DYNC2H1: variants seen among roughly 807,000 people sequenced by gnomAD.
DYNC2H1 encodes cytoplasmic dynein 2 heavy chain 1.
In DYNC2H1, 410 loss-of-function variants were observed where a neutral mutation model predicts 570.0. That is an observed-to-expected ratio of 0.72 (90% CI 0.66 to 0.78). DYNC2H1 has a LOEUF of 0.78. Ranked by LOEUF, DYNC2H1 falls within the 30% of genes least tolerant of loss-of-function variation. The probability of loss-of-function intolerance (pLI) is 0.00; values close to 1 mark genes in which losing one functional copy is unlikely to be tolerated. For missense variants in DYNC2H1, 4,865 were observed against 5,046.4 expected, an observed-to-expected ratio of 0.96 and a Z score of 1.09; for synonymous variants, 1,688 against 1,677.6, an observed-to-expected ratio of 1.01 and a Z score of -0.15.
At chr11:103,361,681 G>A (rs1041302684) in intron 83 of DYNC2H1, among the ~76,000 whole-genome samples, 9 of 152,130 alleles carry the variant, frequency 5.9e-5, no homozygotes, top group African/African-American at 1.2e-4. Flanking sequence ...CTTACATTAC[G>A]GTGGCAGAGC....
At chr11:103,285,668 G>A (rs1327820910) in intron 73 of DYNC2H1, among the ~76,000 whole-genome samples, 1 of 151,770 alleles carries the variant, frequency 6.6e-6, no homozygotes, top group Admixed American at 6.6e-5. Context: ...CAGGTGATCT[G>A]CCCGCCTCAG....
intron 87 of DYNC2H1, among the ~76,000 whole-genome samples, chr11:103,459,325 AAAAAAAAAG>A (rs1199617617): frequency 8.7e-5 from 13 of 149,292 alleles, no homozygotes; most frequent in African/African-American, 2.0e-4. Context: ...AAAAAAAAAA[AAAAAAAAAG>A]GAAATTCCAT....
chr11:103,130,673 TG>T (rs1262188850), intron 13 of DYNC2H1, among the ~76,000 whole-genome samples: 1 of 152,186 alleles, frequency 6.6e-6, no homozygotes, highest in Non-Finnish European at 1.5e-5. Context: ...GTTTTGGAAA[TG>T]GAATCACCCT....
intron 21 of DYNC2H1, 83 bp from the exon 22 acceptor site, chr11:103,153,220 A>G: frequency 8.0e-7 from 1 of 1,244,742 alleles, no homozygotes; most frequent in Non-Finnish European, 1.1e-6. Context: ...TCACTTTTAA[A>G]TAGAAAATAT....
At position 103,209,619 on chromosome 11, in the gene DYNC2H1, C is replaced by G. The variant is rs773977288; in HGVS notation, c.8455-257C>G. 2.0e-4 allele frequency among the ~76,000 whole-genome samples: 30 copies of G among 151,806 alleles called. No individual in the cohort carries two copies. The highest frequency in any genetic ancestry group is 3.5e-4 in the Non-Finnish European group (24 of 67,872). On this transcript the variant is annotated intron_variant, in intron 52 of 88. Transcript: ENST00000375735. This position sits in a 1 kb window ranked among gnomAD's most constrained non-coding sequence, Gnocchi z 4.2. ...CTAATTCAATCCAAATTGTAATTTC[C>G]TTTACTTCATATAGTCTCACCATTT...
In DYNC2H1 at chr11:103,177,451, T is replaced by C; in HGVS notation, c.5875-105T>C. 1 of 1,194,502 alleles carries C rather than the reference T, an allele frequency of 8.4e-7. No homozygotes were observed. Among genetic ancestry groups the C allele is most frequent in the African/African-American group, 1.6e-5 (1 of 62,328 alleles). The allele number at this position is 1,194,502 out of a possible 1,614,324, so 74.0% of individuals were successfully genotyped here. On this transcript the variant is annotated intron_variant, in intron 37 of 88. Coordinates refer to ENST00000375735, the MANE Select transcript of DYNC2H1 (RefSeq NM_001377.3). This position sits in a 1 kb window ranked among gnomAD's most constrained non-coding sequence, Gnocchi z 4.4. The stretch of plus-strand genomic sequence containing the variant: ...TAGGCAATACCTTCCACTGAAGAAA[T>C]CAAAGGCTTAATTTACACATTAGAA...
intron 83 of DYNC2H1, among the ~76,000 whole-genome samples, chr11:103,387,437 CCTATT>C (rs1450662854): frequency 6.6e-6 from 1 of 152,128 alleles, no homozygotes; most frequent in African/African-American, 2.4e-5. Flanking sequence ...AAAATTTTCT[CCTATT>C]CTGTCAGTTG....
Position 103,299,852 on chromosome 11 carries a change from G to A in DYNC2H1, c.11096-3241G>A, listed in dbSNP as rs1866974804. On this transcript the variant is annotated intron_variant, in intron 75 of 88. Coordinates refer to ENST00000375735, the MANE Select transcript of DYNC2H1 (RefSeq NM_001377.3). The surrounding 1 kb of genome is among the most constrained non-coding windows in gnomAD (Gnocchi z 4.5). The stretch of plus-strand genomic sequence containing the variant: ...TTGAAAGAGGTATCTTTAGAATTCT[G>A]CCTACCACAATATATTTGACATTTT... Among the ~76,000 whole-genome samples the A allele has an allele frequency of 2.6e-5, 4 of 151,986 alleles. No homozygotes were observed. Among genetic ancestry groups the A allele is most frequent in the Admixed American group, 2.6e-4 (4 of 15,238 alleles).
Position 103,380,054 on chromosome 11 carries a change from A to G in DYNC2H1, c.12157-19609A>G, listed in dbSNP as rs535600365. 1.4e-4 allele frequency among the ~76,000 whole-genome samples: 22 copies of G among 152,368 alleles called. No homozygotes were observed. The South Asian group carries it at 1.4e-3, about 10-fold the overall frequency. ...TACAGTTTATCATTTTTATCAGGTT[A>G]TAGTTAATTACTAGCTAAACTTAAT... On this transcript the variant is annotated intron_variant, in intron 83 of 88. Transcript: ENST00000375735.
intron 38 of DYNC2H1, among the ~76,000 whole-genome samples, chr11:103,178,800 G>A (rs533851120): frequency 1.7e-4 from 26 of 151,950 alleles, no homozygotes; most frequent in African/African-American, 6.3e-4. Flanking sequence ...CCTAAGCCTT[G>A]CATTTTTTTT....
In DYNC2H1 at chr11:103,280,347, G is replaced by C. The variant is rs746128198; in HGVS notation, c.10696-1G>C. Reference sequence around the variant, plus strand: ...AAGATAATATCTGTTATTCTTTGCAGGCTGATCAGTTGATGTTCGCTTTGC... The same window carrying C: ...AAGATAATATCTGTTATTCTTTGCACGCTGATCAGTTGATGTTCGCTTTGC... On this transcript the variant is annotated splice_acceptor_variant, in intron 70 of 88. Coordinates refer to ENST00000375735, the MANE Select transcript of DYNC2H1 (RefSeq NM_001377.3). LOFTEE classifies it high-confidence loss of function. The surrounding 1 kb of genome is among the most constrained non-coding windows in gnomAD (Gnocchi z 4.7). The C allele has an allele frequency of 1.9e-6, 3 of 1,553,980 alleles. No homozygotes were observed. The highest frequency in any genetic ancestry group is 2.6e-6 in the Non-Finnish European group (3 of 1,147,616).
At chr11:103,284,077 C>T (rs1206177239) in intron 73 of DYNC2H1, among the ~76,000 whole-genome samples, 1 of 152,108 alleles carries the variant, frequency 6.6e-6, no homozygotes, top group Non-Finnish European at 1.5e-5. Context: ...TATCTGATTA[C>T]CCTTGAAATC....
chr11:103,265,261 G>A (rs544520840), intron 70 of DYNC2H1, among the ~76,000 whole-genome samples: 113 of 152,272 alleles, frequency 7.4e-4, no homozygotes, highest in African/African-American at 2.7e-3. Flanking sequence ...ACCTAATGCA[G>A]GTAGGGCTTA....
intron 18 of DYNC2H1, among the ~76,000 whole-genome samples, chr11:103,146,357 C>T (rs115603322): frequency 0.015 from 2,342 of 152,252 alleles, 55 homozygotes; most frequent in African/African-American, 0.052. Context: ...AGATTTTCCT[C>T]AGATGACTGA....
intron 83 of DYNC2H1, among the ~76,000 whole-genome samples, chr11:103,361,531 G>C (rs1940640883): frequency 6.6e-6 from 1 of 152,184 alleles, no homozygotes. Context: ...GGAAACCATG[G>C]AAGTTATAGG....
chr11:103,238,226 A>G (rs920587927), intron 63 of DYNC2H1, among the ~76,000 whole-genome samples: 2 of 152,156 alleles, frequency 1.3e-5, no homozygotes, highest in African/African-American at 4.8e-5. Flanking sequence ...ATGGCTAGAC[A>G]TGATAAATAA....
intron 75 of DYNC2H1, among the ~76,000 whole-genome samples, chr11:103,291,689 A>C (rs755453659): frequency 9.9e-5 from 15 of 152,096 alleles, no homozygotes; most frequent in Non-Finnish European, 1.9e-4. Flanking sequence ...ATTAGAGTCT[A>C]TCTCTCTCTT....
Position 103,234,167 on chromosome 11 carries a change from T to C in DYNC2H1, c.9567+7T>C. On this transcript the variant is annotated splice_region_variant and intron_variant, in intron 61 of 88. Transcript: ENST00000375735. ...TAAGAGATGGAATGCACAGGTTTGT[T>C]TGAGAGAGGGGCCATGAGGAGTCTA... 1 of 1,582,718 alleles carries C rather than the reference T, an allele frequency of 6.3e-7. No individual in the cohort carries two copies. Among genetic ancestry groups the C allele is most frequent in the Non-Finnish European group, 8.6e-7 (1 of 1,163,014 alleles).
intron 1 of DYNC2H1, among the ~76,000 whole-genome samples, chr11:103,111,604 G>A (rs541008746): frequency 5.3e-5 from 8 of 152,214 alleles, no homozygotes; most frequent in South Asian, 4.2e-4. Flanking sequence ...CTGAAAGTTC[G>A]GATAGAATGC....
Sources: gnomAD v4.1 joint callset for allele counts (sites outside exome capture counted in the v4.1 genomes callset) on GRCh38, gnomAD v4.1.1 for gene constraint, Gnocchi (gnomAD v3.1) non-coding constraint, MANE v1.5 for transcripts, NCBI Gene and HGNC (gene_info 2026-07-23, HGNC 2026-07-21) for gene names.